The following EXOC6B variants were observed in gnomAD, a reference collection of about 807,000 sequenced individuals.
The protein encoded by EXOC6B is exocyst complex component 6B, also known as SEC15 homolog B.
Under a neutral mutation model 113.5 loss-of-function variants are expected in EXOC6B, and 54 were observed. The observed-to-expected ratio is 0.48, with a 90% CI of 0.38 to 0.60. The LOEUF is 0.60. Ranked by LOEUF, EXOC6B falls within the 20% of genes least tolerant of loss-of-function variation. The pLI is 0.00. For synonymous variants in EXOC6B, 357 were observed against 339.0 expected, an observed-to-expected ratio of 1.05 and a Z score of -0.58; for missense variants, 797 against 977.5, an observed-to-expected ratio of 0.82 and a Z score of 2.46.
At chr2:72,404,242 T>G (rs547972734) in intron 18 of EXOC6B, among the ~76,000 whole-genome samples, 1 of 152,100 alleles carries the variant, frequency 6.6e-6, no homozygotes, top group Non-Finnish European at 1.5e-5. Flanking sequence ...CCACCACAGC[T>G]CAAGGAGGCC....
intron 6 of EXOC6B, among the ~76,000 whole-genome samples, chr2:72,647,984 T>A (rs1673863565): frequency 6.6e-6 from 1 of 151,872 alleles, no homozygotes; most frequent in Non-Finnish European, 1.5e-5. Context: ...ACCATCAGAG[T>A]GAACAGGAAA....
At chr2:72,552,412 A>G (rs1377545006) in intron 8 of EXOC6B, among the ~76,000 whole-genome samples, 1 of 151,550 alleles carries the variant, frequency 6.6e-6, no homozygotes, top group Non-Finnish European at 1.5e-5. Flanking sequence ...GGAAAAATGC[A>G]TATTATTGCA....
At chr2:72,258,092 A>G (rs2104571127) in intron 20 of EXOC6B, among the ~76,000 whole-genome samples, 1 of 152,304 alleles carries the variant, frequency 6.6e-6, no homozygotes, top group Admixed American at 6.5e-5. Flanking sequence ...ATTATTACAC[A>G]TTCTTTAAAG....
At position 72,295,694 on chromosome 2, in the gene EXOC6B, C is replaced by T. The variant is rs144986101; in HGVS notation, c.2196+39253G>A. On this transcript the variant is annotated intron_variant, in intron 20 of 21. Transcript: ENST00000272427. ...CTTTCTGAATATCAGGAACTGCATGCTGTATGATTGAAGGTTTGCAAGCAG... is the reference window on the plus strand; with the variant it reads ...CTTTCTGAATATCAGGAACTGCATGTTGTATGATTGAAGGTTTGCAAGCAG... Among the ~76,000 whole-genome samples, 69 of 152,216 alleles carry T rather than the reference C, an allele frequency of 4.5e-4. 1 individual carries two copies. The East Asian group carries it at 0.013, about 28-fold the overall frequency.
At chr2:72,645,606 GCAAT>G (rs1490105397) in intron 6 of EXOC6B, among the ~76,000 whole-genome samples, 2 of 152,098 alleles carry the variant, frequency 1.3e-5, no homozygotes, top group African/African-American at 4.8e-5. Context: ...AGACCACAGC[GCAAT>G]CAAATTACAA....
At chr2:72,385,056 A>T (rs1416658024) in intron 18 of EXOC6B, among the ~76,000 whole-genome samples, 1 of 152,160 alleles carries the variant, frequency 6.6e-6, no homozygotes, top group Non-Finnish European at 1.5e-5. Context: ...TAGCCAAAGC[A>T]ATCTTTAACA....
intron 14 of EXOC6B, 146 bp from the exon 15 acceptor site, chr2:72,495,685 A>G: frequency 3.4e-6 from 2 of 593,986 alleles, no homozygotes; most frequent in Admixed American, 6.8e-5. Context: ...TATCTCCCAA[A>G]GTTTTCTGAT....
At chr2:72,717,956 T>C in intron 6 of EXOC6B, 147 bp downstream of exon 6, 1 of 568,902 alleles carries the variant, frequency 1.8e-6, no homozygotes, top group East Asian at 2.9e-5. Flanking sequence ...ACATTTTTAA[T>C]CATATGTTTC....
At chr2:72,760,596 TGAA>T (rs1322154120) in intron 1 of EXOC6B, 4 of 160,568 alleles carry the variant, frequency 2.5e-5, no homozygotes, top group Non-Finnish European at 5.5e-5. Flanking sequence ...AATTTAACAC[TGAA>T]GAAGAAAAGA....
At chr2:72,620,894 T>C (rs889620595) in intron 6 of EXOC6B, among the ~76,000 whole-genome samples, 4 of 151,614 alleles carry the variant, frequency 2.6e-5, no homozygotes, top group Non-Finnish European at 4.4e-5. Flanking sequence ...AACAAAAATA[T>C]GAAAAAAATG....
At chr2:72,265,272 C>T (rs941850868) in intron 20 of EXOC6B, among the ~76,000 whole-genome samples, 1 of 126,058 alleles carries the variant, frequency 7.9e-6, no homozygotes. Context: ...TATTATTATA[C>T]TTTAAGTTTG....
intron 1 of EXOC6B, among the ~76,000 whole-genome samples, chr2:72,754,790 AT>A (rs888197980): frequency 1.2e-4 from 17 of 145,836 alleles, no homozygotes; most frequent in African/African-American, 4.3e-4. Context: ...ATTTTTTAAA[AT>A]TTTTTTTTGC....
At chr2:72,354,731 T>G (rs1380822359) in intron 19 of EXOC6B, among the ~76,000 whole-genome samples, 1 of 152,194 alleles carries the variant, frequency 6.6e-6, no homozygotes, top group East Asian at 1.9e-4. Context: ...GAAGTGACAT[T>G]GCCATTTGAA....
intron 20 of EXOC6B, among the ~76,000 whole-genome samples, chr2:72,233,002 G>A (rs989898029): frequency 1.3e-5 from 2 of 151,736 alleles, no homozygotes; most frequent in Admixed American, 1.3e-4. Flanking sequence ...AATCAGGGAG[G>A]TGGAGGTTTC....
intron 8 of EXOC6B, chr2:72,515,440 C>A: frequency 8.9e-7 from 1 of 1,125,256 alleles, no homozygotes; most frequent in Non-Finnish European, 1.1e-6. Context: ...ACCAACCTTT[C>A]CATAAGTTAT....
intron 20 of EXOC6B, among the ~76,000 whole-genome samples, chr2:72,246,192 T>C (rs1215410765): frequency 6.6e-6 from 1 of 152,184 alleles, no homozygotes; most frequent in African/African-American, 2.4e-5. Context: ...TCCAGCCTTG[T>C]GTCACTCATC....
At chr2:72,722,376 A>G (rs1257569031) in intron 5 of EXOC6B, among the ~76,000 whole-genome samples, 1 of 152,200 alleles carries the variant, frequency 6.6e-6, no homozygotes, top group Non-Finnish European at 1.5e-5. Context: ...AATGATTTTC[A>G]CAGCAGATAC....
At chr2:72,456,983 C>T (rs1237002819) in intron 18 of EXOC6B, among the ~76,000 whole-genome samples, 3 of 148,446 alleles carry the variant, frequency 2.0e-5, no homozygotes, top group Non-Finnish European at 4.5e-5. Context: ...AGGGCAGAAG[C>T]AGTAAAAGTA....
chr2:72,186,860 T>C (rs1006226994), intron 20 of EXOC6B, among the ~76,000 whole-genome samples: 127 of 152,288 alleles, frequency 8.3e-4, no homozygotes, highest in African/African-American at 2.9e-3. Context: ...AGTTATGGGA[T>C]CTTTGGGGTG....
Sources: allele counts gnomAD v4.1 joint callset (sites outside exome capture counted in the v4.1 genomes callset), GRCh38; gene constraint gnomAD v4.1.1; transcripts MANE v1.5; gene names NCBI Gene and HGNC (gene_info 2026-07-23, HGNC 2026-07-21).